NAA16: variants seen among roughly 807,000 people sequenced by gnomAD.
NAA16 encodes NARG1-like protein.
NAA16 carries 97 observed loss-of-function variants against 110.3 expected under a neutral mutation model. The ratio of observed to expected loss-of-function variants is 0.88; its 90% CI spans 0.75 to 1.04. The LOEUF is 1.04. Among genes scored for constraint, NAA16 ranks in the 50% least tolerant of loss-of-function variants. The pLI is 0.00. For synonymous variants in NAA16, 372 were observed against 330.6 expected, an observed-to-expected ratio of 1.13 and a Z score of -1.36; for missense variants, 1,017 against 1,005.1, an observed-to-expected ratio of 1.01 and a Z score of -0.16.
rs759568986 is a variant in NAA16 at position 41,373,752 on chromosome 13, C to T, written c.2271C>T (p.Asn757=). ...TTAATGAGGATTTTCTGAAACGTAA[C>T]GCTACCTCTCTTCAGCATCTACTTT... The part of the protein sequence containing the change: ...ESFNEDFLKR[N]ATSLQHLLSG... Residue 757 remains asparagine (N), a synonymous_variant, in exon 18 of 20, where the codon AAC becomes AAT. Coordinates refer to ENST00000379406, the MANE Select transcript of NAA16 (RefSeq NM_024561.5). 6.8e-6 allele frequency: 11 copies of T among 1,607,922 alleles called. 1 individual carries two copies. Among genetic ancestry groups the T allele is most frequent in the South Asian group, 5.6e-5 (5 of 89,454 alleles).
chr13:41,313,272 C>T (rs1314796682), intron 1 of NAA16, among the ~76,000 whole-genome samples: 1 of 152,172 alleles, frequency 6.6e-6, no homozygotes, highest in African/African-American at 2.4e-5. Context: ...GTTGGCCAGG[C>T]TACTGTCGAA....
intron 1 of NAA16, 127 bp downstream of exon 1, chr13:41,311,709 T>G: frequency 3.4e-6 from 3 of 881,550 alleles, no homozygotes; most frequent in Non-Finnish European, 5.2e-6. Flanking sequence ...TTTGTTTACC[T>G]CGGAGGTCGC....
chr13:41,320,707 A>G lies in NAA16; in HGVS notation c.285A>G (p.Lys95=). The G allele has an allele frequency of 6.2e-7, 1 of 1,612,192 alleles. No individual in the cohort carries two copies. The highest frequency in any genetic ancestry group is 8.5e-7 in the Non-Finnish European group (1 of 1,179,688). Residue 95 remains lysine (K), a synonymous_variant, in exon 4 of 20, where the codon AAA becomes AAG. Transcript: ENST00000379406. ...VYGLLQRSDK[K]YDEAIKCYRN... The stretch of plus-strand genomic sequence containing the variant: ...GACTCTTGCAGCGTTCTGATAAAAA[A>G]TATGATGAAGCTATAAAATGTTACC...
intron 8 of NAA16, among the ~76,000 whole-genome samples, chr13:41,333,913 C>T (rs891265985): frequency 4.6e-5 from 7 of 151,658 alleles, no homozygotes; most frequent in African/African-American, 1.7e-4. Context: ...GACATGCTGT[C>T]TTTGAAATGC....
chr13:41,320,701 T>C lies in NAA16; in HGVS notation c.279T>C (p.Asp93=), dbSNP rs774611668. The C allele has an allele frequency of 6.2e-7, 1 of 1,612,068 alleles. No individual in the cohort carries two copies. Among genetic ancestry groups the C allele is most frequent in the Non-Finnish European group, 8.5e-7 (1 of 1,179,690 alleles). Residue 93 remains aspartate, a synonymous_variant, in exon 4 of 20, where the codon GAT becomes GAC. Coordinates refer to ENST00000379406, the MANE Select transcript of NAA16 (RefSeq NM_024561.5). ...TATATGGACTCTTGCAGCGTTCTGA[T>C]AAAAAATATGATGAAGCTATAAAAT... The part of the protein sequence containing the change: ...WHVYGLLQRS[D]KKYDEAIKCY...
intron 12 of NAA16, among the ~76,000 whole-genome samples, chr13:41,359,707 T>C (rs2043072284): frequency 6.6e-6 from 1 of 152,050 alleles, no homozygotes; most frequent in Non-Finnish European, 1.5e-5. Flanking sequence ...AGATCAGATA[T>C]GGAAAGCAAA....
intron 11 of NAA16, 47 bp downstream of exon 11, chr13:41,358,520 T>C: frequency 6.2e-7 from 1 of 1,603,266 alleles, no homozygotes. Flanking sequence ...ATTCAGCTAC[T>C]TTAAGAATCC....
intron 9 of NAA16, among the ~76,000 whole-genome samples, chr13:41,337,732 A>G (rs2042419656): frequency 6.6e-6 from 1 of 152,192 alleles, no homozygotes; most frequent in Admixed American, 6.5e-5. Context: ...AAAAGATTTT[A>G]TTAGAAATGC....
chr13:41,356,298 A>T (rs1323106365), intron 10 of NAA16, among the ~76,000 whole-genome samples: 1 of 152,232 alleles, frequency 6.6e-6, no homozygotes, highest in Non-Finnish European at 1.5e-5. Flanking sequence ...AAGTGCTGGG[A>T]TTACAGGTGT....
intron 6 of NAA16, chr13:41,327,893 T>C (rs1566253004): frequency 6.6e-6 from 1 of 151,870 alleles, no homozygotes; most frequent in Admixed American, 6.6e-5. Context: ...TGATATATGA[T>C]ATAAAAATAG....
chr13:41,349,902 A>C (rs947362507), intron 9 of NAA16, among the ~76,000 whole-genome samples: 1 of 151,794 alleles, frequency 6.6e-6, no homozygotes, highest in Non-Finnish European at 1.5e-5. Flanking sequence ...GGGCAGTTGC[A>C]GTGAGCTGAG....
rs756251682 is a variant in NAA16 at position 41,362,178 on chromosome 13, G to T, written c.1539+19G>T. ...AGAAAGGGTAAGTTGTTAGAATTTCGACTTCAGTTTTCACTGTAAGGTGAT... is the reference window on the plus strand; with the variant it reads ...AGAAAGGGTAAGTTGTTAGAATTTCTACTTCAGTTTTCACTGTAAGGTGAT... On this transcript the variant is annotated intron_variant, in intron 13 of 19. Coordinates refer to ENST00000379406, the MANE Select transcript of NAA16 (RefSeq NM_024561.5). 6 of 1,581,794 alleles carry T rather than the reference G, an allele frequency of 3.8e-6. No individual in the cohort carries two copies. Among genetic ancestry groups the T allele is most frequent in the South Asian group, 1.2e-5 (1 of 85,518 alleles).
chr13:41,329,787 A>T (rs1454344453), intron 7 of NAA16, among the ~76,000 whole-genome samples: 1 of 151,942 alleles, frequency 6.6e-6, no homozygotes, highest in Non-Finnish European at 1.5e-5. Context: ...GTTAACTACG[A>T]TTTTTCTTTA....
rs1334591337 is a variant in NAA16, at chr13:41,331,292, T to A, written c.830T>A (p.Leu277His). ...ATAATAGGCACTTTAGAAGAGAGGC[T>A]TCAAATTTATGAAGAAATTAGTAAG... is the stretch of plus-strand genomic sequence containing the variant. ...ALQISTLEER[L>H]QIYEEISKQH... is the part of the protein sequence containing the mutation. Residue 277 changes from leucine to histidine, a missense_variant, in exon 8 of 20, where the codon CTT (leucine) becomes CAT (histidine). By Grantham distance (99) the Leu-to-His change is moderately conservative. Transcript: ENST00000379406. The A allele has an allele frequency of 6.2e-7, 1 of 1,609,306 alleles. No individual in the cohort carries two copies.
rs1035540287 is a variant in NAA16 at position 41,325,785 on chromosome 13, T to A, written c.625T>A (p.Ser209Thr). 1 of 1,609,210 alleles carries A rather than the reference T, an allele frequency of 6.2e-7. No homozygotes were observed. The highest frequency in any genetic ancestry group is 1.3e-5 in the African/African-American group (1 of 74,788). ...VMREADLLQE[S>T]LEHIEMYEKQ... Reference sequence around the variant, plus strand: ...GAGAGAGGCAGATCTGTTGCAGGAATCTTTGGAACATATAGAAATGTATGA... The same window carrying A: ...GAGAGAGGCAGATCTGTTGCAGGAAACTTTGGAACATATAGAAATGTATGA... The change falls in exon 6 of 20, where the codon TCT becomes ACT. Residue 209 changes from serine (S) to threonine (T), a missense_variant. Physicochemically the swap from Ser to Thr is moderately conservative, Grantham distance 58. Coordinates refer to ENST00000379406, the MANE Select transcript of NAA16 (RefSeq NM_024561.5).
chr13:41,360,809 A>G (rs1277135689), intron 12 of NAA16, among the ~76,000 whole-genome samples: 1 of 152,218 alleles, frequency 6.6e-6, no homozygotes, highest in African/African-American at 2.4e-5. Flanking sequence ...CTTTTGTACA[A>G]AGTTGCTGAT....
In NAA16 at chr13:41,374,750, A is replaced by G. The variant is rs757010946; in HGVS notation, c.2308A>G (p.Met770Val). The G allele has an allele frequency of 2.5e-5, 41 of 1,608,638 alleles. No individual in the cohort carries two copies. The highest frequency in any genetic ancestry group is 5.4e-5 in the African/African-American group (4 of 74,710). ...ATGCCTTGGTATTTCAGGTGCTAAA[A>G]TGATGTATTTTCTGGACAAGTCAAG... Reference protein sequence around the residue: ...SLQHLLSGAKMMYFLDKSRQE... With the variant: ...SLQHLLSGAKVMYFLDKSRQE... Residue 770 changes from methionine to valine, a missense_variant, in exon 19 of 20, where the codon ATG (methionine) becomes GTG (valine). Met to Val is a conservative substitution (Grantham distance 21). Transcript: ENST00000379406.
At chr13:41,338,113 T>C (rs934499578) in intron 9 of NAA16, among the ~76,000 whole-genome samples, 1 of 152,232 alleles carries the variant, frequency 6.6e-6, no homozygotes, top group Non-Finnish European at 1.5e-5. Context: ...CTCTAGATTA[T>C]TTAACATTGG....
intron 9 of NAA16, among the ~76,000 whole-genome samples, chr13:41,338,735 G>T (rs1791822641): frequency 6.6e-6 from 1 of 152,010 alleles, no homozygotes; most frequent in Non-Finnish European, 1.5e-5. Flanking sequence ...AATTTTGTAA[G>T]TTTTGTGTTT....
Sources: gnomAD v4.1 joint callset for allele counts (sites outside exome capture counted in the v4.1 genomes callset) on GRCh38, gnomAD v4.1.1 for gene constraint, MANE v1.5 for transcripts, NCBI Gene and HGNC (gene_info 2026-07-23, HGNC 2026-07-21) for gene names.